CREBBP: variants seen among roughly 807,000 people sequenced by gnomAD.
CREBBP encodes the protein CREB-binding protein.
A neutral mutation model predicts 265.0 loss-of-function variants in CREBBP; 19 were observed. The ratio of observed to expected loss-of-function variants is 0.07; its 90% CI spans 0.05 to 0.11. The LOEUF (loss-of-function observed/expected upper bound fraction) is 0.11, where lower values mean the gene tolerates loss of function less well. Ranked by LOEUF, CREBBP falls within the 10% of genes least tolerant of loss-of-function variation. The pLI is 1.00. For missense variants in CREBBP, 2,525 were observed against 3,219.0 expected, an observed-to-expected ratio of 0.78 and a Z score of 5.22; for synonymous variants, 1,457 against 1,223.7, an observed-to-expected ratio of 1.19 and a Z score of -3.98.
chr16:3,814,898 A>G (rs1415730315), intron 2 of CREBBP, among the ~76,000 whole-genome samples: 1 of 152,216 alleles, frequency 6.6e-6, no homozygotes, highest in African/African-American at 2.4e-5. Context: ...TCTCCTTATC[A>G]GAGAAAGTTA....
chr16:3,818,002 G>A (rs932861341), intron 2 of CREBBP, among the ~76,000 whole-genome samples: 9 of 152,240 alleles, frequency 5.9e-5, no homozygotes, highest in African/African-American at 1.9e-4. Flanking sequence ...CCATGTATGG[G>A]AGCCTTTGCA....
rs2151330092 is a variant in CREBBP, at chr16:3,736,800, G to A, written c.4410C>T (p.His1470=). 1 of 1,613,898 alleles carries A rather than the reference G, an allele frequency of 6.2e-7. No homozygotes were observed. Among genetic ancestry groups the A allele is most frequent in the South Asian group, 1.1e-5 (1 of 91,066 alleles). ...CTTCACTTGGAGGACAGGCCCAGAT[G>A]TGCCCTGTCACATACCTGCAGGACC... ...YVKKLGYVTG[H]IWACPPSEGD... The change falls in exon 27 of 31, where the codon CAC becomes CAT. Residue 1470 remains histidine, a synonymous_variant. Coordinates refer to ENST00000262367, the MANE Select transcript of CREBBP (RefSeq NM_004380.3).
rs1567360289 is a variant in CREBBP at position 3,849,434 on chromosome 16, T to TG, written c.798+862dup. 5.2e-3 allele frequency among the ~76,000 whole-genome samples: 52 copies of TG among 10,078 alleles called. 4 individuals are homozygous for TG. The highest frequency in any genetic ancestry group is 0.048 in the East Asian group (3 of 62). The allele number at this position is 10,078 out of a possible 152,430, so 6.6% of individuals were successfully genotyped here. ...GTGTGTGTGTGTGTGTGTGTGTGTG[T>TG]GTGTGTGTGTGTGTGTGTGTGTGTG... On this transcript the variant is annotated intron_variant, in intron 2 of 30. Transcript: ENST00000262367.
At chr16:3,842,967 C>CAAAAAAAAAA (rs59990532) in intron 2 of CREBBP, among the ~76,000 whole-genome samples, 8 of 65,212 alleles carry the variant, frequency 1.2e-4, no homozygotes, top group African/African-American at 5.1e-4. Flanking sequence ...ACTCCCATCT[C>CAAAAAAAAAA]AAAAAAAAAA....
intron 5 of CREBBP, among the ~76,000 whole-genome samples, chr16:3,788,068 G>A (rs1414566669): frequency 6.6e-6 from 1 of 152,190 alleles, no homozygotes; most frequent in African/African-American, 2.4e-5. Flanking sequence ...GAGATGCCGG[G>A]CAGCAGCTGG....
At chr16:3,837,643 AAAT>A (rs919163424) in intron 2 of CREBBP, among the ~76,000 whole-genome samples, 5 of 150,774 alleles carry the variant, frequency 3.3e-5, no homozygotes, top group African/African-American at 4.8e-5. Flanking sequence ...ATAAATAAAT[AAAT>A]AATAAAAAAT....
At chr16:3,864,139 G>A (rs1335474903) in intron 1 of CREBBP, among the ~76,000 whole-genome samples, 2 of 152,194 alleles carry the variant, frequency 1.3e-5, no homozygotes, top group African/African-American at 4.8e-5. Flanking sequence ...CAGCCATATT[G>A]TAAGAACAAG....
chr16:3,858,212 G>A (rs1343179578), intron 1 of CREBBP, among the ~76,000 whole-genome samples: 1 of 152,124 alleles, frequency 6.6e-6, no homozygotes, highest in Admixed American at 6.5e-5. Flanking sequence ...ACACCAGGTG[G>A]GTGGCTAAAT....
intron 2 of CREBBP, among the ~76,000 whole-genome samples, chr16:3,830,756 G>A (rs1057226341): frequency 3.3e-5 from 5 of 152,092 alleles, no homozygotes; most frequent in African/African-American, 4.8e-5. Context: ...AGACAATTAT[G>A]AAACATCACA....
intron 2 of CREBBP, chr16:3,812,835 G>C (rs1027242930): frequency 1.1e-5 from 2 of 185,240 alleles, no homozygotes; most frequent in Non-Finnish European, 2.3e-5. Context: ...TTCTGGAGTA[G>C]TGGTCAGTTT....
In CREBBP at chr16:3,729,055, C is replaced by T. The variant is rs756378412; in HGVS notation, c.5992G>A (p.Val1998Met). ...TTGGGTCGGGGCACATTCAGGCTCA[C>T]GGGGGCCATCTGGCTCCCCGGGGTC... Reference protein sequence around the residue: ...MGTPGSQMAPVSLNVPRPNQV... With the variant: ...MGTPGSQMAPMSLNVPRPNQV... The change falls in exon 31 of 31, where the codon GTG (valine) becomes ATG (methionine). Residue 1998 changes from valine to methionine, a missense_variant. This residue lies in a region of CREBBP where 275 missense variants were observed against 276.5 expected (regional missense o/e 0.99). Coordinates refer to ENST00000262367, the MANE Select transcript of CREBBP (RefSeq NM_004380.3). The T allele has an allele frequency of 1.3e-5, 20 of 1,585,018 alleles. No individual in the cohort carries two copies. The highest frequency in any genetic ancestry group is 1.7e-4 in the Middle Eastern group (1 of 6,050).
rs35866243 is a variant in CREBBP, at chr16:3,814,164, A to AGTGTGT, written c.799-3391_799-3386dup. Among the ~76,000 whole-genome samples, 1,172 of 119,760 alleles carry AGTGTGT rather than the reference A, an allele frequency of 9.8e-3. 25 individuals carry two copies. The highest frequency in any genetic ancestry group is 0.022 in the Middle Eastern group (5 of 224). The allele number at this position is 119,760 out of a possible 152,430, so 78.6% of individuals were successfully genotyped here. A position where few individuals can be genotyped will look rare whatever the true frequency, so the allele number is the denominator to read the frequency against. ...CTTTTCTAACTGGTCAATGTTGTTT[A>AGTGTGT]GTGTGTGTGTGTGTGTGTGTGTGTG... is the stretch of plus-strand genomic sequence containing the variant. On this transcript the variant is annotated intron_variant, in intron 2 of 30. Coordinates refer to ENST00000262367, the MANE Select transcript of CREBBP (RefSeq NM_004380.3).
intron 2 of CREBBP, among the ~76,000 whole-genome samples, chr16:3,818,221 G>A (rs529515585): frequency 6.6e-5 from 10 of 152,142 alleles, no homozygotes; most frequent in South Asian, 2.1e-4. Context: ...GCACTGCGAC[G>A]CAGAACTTGA....
intron 21 of CREBBP, among the ~76,000 whole-genome samples, chr16:3,747,550 C>T (rs1483574112): frequency 1.3e-5 from 2 of 152,218 alleles, no homozygotes; most frequent in Non-Finnish European, 2.9e-5. Context: ...GCAGGCTGTG[C>T]CATTACCCAG....
At chr16:3,806,583 C>T (rs1223386489) in intron 3 of CREBBP, among the ~76,000 whole-genome samples, 4 of 152,160 alleles carry the variant, frequency 2.6e-5, no homozygotes, top group Non-Finnish European at 5.9e-5. Flanking sequence ...TATCCCACTT[C>T]TACACGGCAT....
intron 1 of CREBBP, among the ~76,000 whole-genome samples, chr16:3,853,353 G>A (rs1185363500): frequency 6.6e-6 from 1 of 152,336 alleles, no homozygotes; most frequent in East Asian, 1.9e-4. Flanking sequence ...GCTCACGCCT[G>A]TAATCCCAGC....
Position 3,727,784 on chromosome 16 carries a change from G to T in CREBBP, c.7263C>A (p.Ser2421=). 2 of 1,614,142 alleles carry T rather than the reference G, an allele frequency of 1.2e-6. No homozygotes were observed. The highest frequency in any genetic ancestry group is 2.2e-5 in the South Asian group (2 of 91,074). ...TGTCCCCGACCAGGGACAGTTCGCT[G>T]GACAGCGCACTCCTGCTGGGGGTGT... is the stretch of plus-strand genomic sequence containing the variant. ...QLNTPSRSAL[S]SELSLVGDTT... The change falls in exon 31 of 31, where the codon TCC becomes TCA. Residue 2421 remains serine, a synonymous_variant. Coordinates refer to ENST00000262367, the MANE Select transcript of CREBBP (RefSeq NM_004380.3).
chr16:3,777,582 A>G, intron 11 of CREBBP, 31 bp downstream of exon 11: 8 of 1,612,054 alleles, frequency 5.0e-6, no homozygotes, highest in Non-Finnish European at 6.8e-6. Context: ...ATGTAAAACT[A>G]AAATATGATT....
rs764257155 is a variant in CREBBP at position 3,769,348 on chromosome 16, G to T, written c.2886C>A (p.Ser962=). The T allele has an allele frequency of 3.7e-6, 6 of 1,614,018 alleles. No homozygotes were observed. The highest frequency in any genetic ancestry group is 5.1e-6 in the Non-Finnish European group (6 of 1,180,028). The change falls in exon 15 of 31, where the codon TCC becomes TCA. Residue 962 remains serine (S), a synonymous_variant. Transcript: ENST00000262367. Reference sequence around the variant, plus strand: ...TGTTATCAATGCTGGCTGCTGCCTGGGAAAGCTGTGAAAAAACCGAAAGCA... The same window carrying T: ...TGTTATCAATGCTGGCTGCTGCCTGTGAAAGCTGTGAAAAAACCGAAAGCA... The part of the protein sequence containing the change: ...VHAQPPGTPL[S]QAAASIDNRV...
Sources: gnomAD v4.1 joint callset for allele counts (sites outside exome capture counted in the v4.1 genomes callset) on GRCh38, gnomAD v4.1.1 for gene constraint, gnomAD v4.1.1 regional missense constraint, MANE v1.5 for transcripts, NCBI Gene and HGNC (gene_info 2026-07-23, HGNC 2026-07-21) for gene names.